Variants in CSNK1G3 observed in about 807,000 individuals in gnomAD.
CSNK1G3 encodes casein kinase 1 gamma 3, also known as casein kinase I isoform gamma-3.
A neutral mutation model predicts 64.3 loss-of-function variants in CSNK1G3; 23 were observed. That is an observed-to-expected ratio of 0.36 (90% CI 0.26 to 0.51). CSNK1G3 has a LOEUF of 0.51. Among genes scored for constraint, CSNK1G3 ranks in the 20% least tolerant of loss-of-function variants. The pLI, the probability that CSNK1G3 is intolerant of heterozygous loss-of-function variation, is 0.96. For missense variants in CSNK1G3, 357 were observed against 510.5 expected (o/e 0.70, Z 2.90); for synonymous variants, 158 against 162.2 (o/e 0.97, Z 0.20).
intron 4 of CSNK1G3, among the ~76,000 whole-genome samples, chr5:123,567,023 T>C (rs1787035358): frequency 6.6e-6 from 1 of 152,198 alleles, no homozygotes; most frequent in African/African-American, 2.4e-5. Context: ...TTATTAGACT[T>C]AACAGTTCCA....
At chr5:123,515,040 T>A (rs1337790205) in intron 1 of CSNK1G3, among the ~76,000 whole-genome samples, 3 of 152,154 alleles carry the variant, frequency 2.0e-5, no homozygotes. Flanking sequence ...AAGTATATAA[T>A]CCAAAACAAT....
chr5:123,547,146 A>T (rs2150287665), intron 2 of CSNK1G3, among the ~76,000 whole-genome samples: 1 of 152,272 alleles, frequency 6.6e-6, no homozygotes, highest in East Asian at 1.9e-4. Flanking sequence ...TTAGACATTG[A>T]TAATATGCTG....
intron 12 of CSNK1G3, among the ~76,000 whole-genome samples, chr5:123,612,005 T>A (rs1489297572): frequency 6.6e-6 from 1 of 152,228 alleles, no homozygotes; most frequent in East Asian, 1.9e-4. Context: ...CTTATTTTTT[T>A]AAATCCAGAT....
At chr5:123,538,928 C>A (rs1024106513) in intron 1 of CSNK1G3, among the ~76,000 whole-genome samples, 1 of 151,986 alleles carries the variant, frequency 6.6e-6, no homozygotes, top group Non-Finnish European at 1.5e-5. Flanking sequence ...TTTTTACTTA[C>A]CTTAAGATAG....
chr5:123,614,635 A>G, exon 13 of CSNK1G3: 1 of 414,376 alleles, frequency 2.4e-6, no homozygotes, highest in South Asian at 4.0e-5. Flanking sequence ...TTTGCCCATC[A>G]GTGAATGGAA....
intron 5 of CSNK1G3, among the ~76,000 whole-genome samples, chr5:123,573,779 A>C (rs1561548932): frequency 6.6e-6 from 1 of 152,134 alleles, no homozygotes; most frequent in Non-Finnish European, 1.5e-5. Flanking sequence ...TCAGTTTGCA[A>C]ATTAAGTTGT....
In CSNK1G3 at chr5:123,613,424, TGTGTGTGTGC is replaced by T. The variant is rs990041941; in HGVS notation, c.1218-915_1218-906del. ...CATGTCCAGTGCATGTGTGTGTGTG[TGTGTGTGTGC>T]GTATGTATGTATAATATAATATATG... is the stretch of plus-strand genomic sequence containing the variant. On this transcript the variant is annotated intron_variant, in intron 12 of 12. Transcript: ENST00000345990. Among the ~76,000 whole-genome samples, 15 of 151,398 alleles carry T rather than the reference TGTGTGTGTGC, an allele frequency of 9.9e-5. No homozygotes were observed. The South Asian group carries it at 1.3e-3, about 13-fold the overall frequency.
At chr5:123,581,350 T>G (rs1264229016) in intron 6 of CSNK1G3, among the ~76,000 whole-genome samples, 1 of 139,250 alleles carries the variant, frequency 7.2e-6, no homozygotes, top group Non-Finnish European at 1.5e-5. Context: ...TCTTTTTGTT[T>G]TTTGGGTTTG....
intron 1 of CSNK1G3, among the ~76,000 whole-genome samples, chr5:123,538,801 T>C (rs1781233377): frequency 6.6e-6 from 1 of 152,186 alleles, no homozygotes; most frequent in African/African-American, 2.4e-5. Context: ...TAAAATAATT[T>C]AGCCCATTTG....
chr5:123,524,389 T>C (rs907600078), intron 1 of CSNK1G3, among the ~76,000 whole-genome samples: 5 of 152,246 alleles, frequency 3.3e-5, no homozygotes, highest in African/African-American at 4.8e-5. Flanking sequence ...CCTTTGCACA[T>C]GATAACTTCA....
At chr5:123,532,262 G>C (rs899482485) in intron 1 of CSNK1G3, among the ~76,000 whole-genome samples, 6 of 151,846 alleles carry the variant, frequency 4.0e-5, no homozygotes, top group African/African-American at 1.2e-4. Flanking sequence ...TGGTATATTA[G>C]TATTACATAG....
At chr5:123,525,859 G>A (rs1023274856) in intron 1 of CSNK1G3, among the ~76,000 whole-genome samples, 31 of 151,836 alleles carry the variant, frequency 2.0e-4, no homozygotes, top group Non-Finnish European at 3.5e-4. Flanking sequence ...TTAGTCGGGC[G>A]TGGTGGCGGG....
intron 1 of CSNK1G3, among the ~76,000 whole-genome samples, 186 bp from the exon 2 acceptor site, chr5:123,545,231 G>A (rs1318534690): frequency 2.0e-5 from 3 of 151,750 alleles, no homozygotes; most frequent in Non-Finnish European, 4.4e-5. Context: ...TCTTTGTTTC[G>A]TATCTTTGTT....
intron 1 of CSNK1G3, among the ~76,000 whole-genome samples, chr5:123,520,889 AC>A (rs2149967527): frequency 6.6e-6 from 1 of 152,070 alleles, no homozygotes; most frequent in South Asian, 2.1e-4. Context: ...TTTTCTTTAC[AC>A]CCACTGTGTG....
At chr5:123,542,503 A>G (rs1041225305) in intron 1 of CSNK1G3, among the ~76,000 whole-genome samples, 2 of 152,148 alleles carry the variant, frequency 1.3e-5, no homozygotes, top group Non-Finnish European at 2.9e-5. Flanking sequence ...AGCTTAAAGG[A>G]CTATTTTAAA....
chr5:123,544,214 C>A (rs1477454883), intron 1 of CSNK1G3, among the ~76,000 whole-genome samples: 1 of 152,154 alleles, frequency 6.6e-6, no homozygotes, highest in African/African-American at 2.4e-5. Context: ...CCCCACCAAG[C>A]CTTAGTCTCT....
intron 4 of CSNK1G3, among the ~76,000 whole-genome samples, chr5:123,562,857 C>T (rs1344368347): frequency 6.6e-6 from 1 of 151,896 alleles, no homozygotes; most frequent in Non-Finnish European, 1.5e-5. Flanking sequence ...TAGTCACTTT[C>T]TTGAGAAGGG....
At chr5:123,547,664 A>G (rs570868108) in intron 2 of CSNK1G3, among the ~76,000 whole-genome samples, 44 of 151,986 alleles carry the variant, frequency 2.9e-4, no homozygotes, top group Non-Finnish European at 6.0e-4. Flanking sequence ...CTATCTATCT[A>G]ATTTGTGTAT....
At chr5:123,583,551 A>T (rs1334855246) in intron 6 of CSNK1G3, among the ~76,000 whole-genome samples, 1 of 151,934 alleles carries the variant, frequency 6.6e-6, no homozygotes, top group African/African-American at 2.4e-5. Flanking sequence ...TTTAGTAGAG[A>T]CAGGGTTTCT....
Sources: gnomAD v4.1 joint callset for allele counts (sites outside exome capture counted in the v4.1 genomes callset) on GRCh38, gnomAD v4.1.1 for gene constraint, MANE v1.5 for transcripts, NCBI Gene and HGNC (gene_info 2026-07-23, HGNC 2026-07-21) for gene names.